The following PTPRD variants were observed in gnomAD, a reference collection of about 807,000 sequenced individuals.
The protein encoded by PTPRD is protein tyrosine phosphatase receptor type D.
PTPRD carries 34 observed loss-of-function variants against 214.5 expected under a neutral mutation model. The ratio of observed to expected loss-of-function variants is 0.16; its 90% CI spans 0.12 to 0.21. The LOEUF is 0.21. PTPRD is among the 10% of genes least tolerant of loss of function. PTPRD has a pLI of 1.00. For missense variants in PTPRD, 2,545 were observed against 2,398.7 expected, an observed-to-expected ratio of 1.06 and a Z score of -1.27; for synonymous variants, 1,128 against 845.7, an observed-to-expected ratio of 1.33 and a Z score of -5.79.
At chr9:8,556,087 C>A (rs1203627062) in intron 14 of PTPRD, among the ~76,000 whole-genome samples, 2 of 152,156 alleles carry the variant, frequency 1.3e-5, no homozygotes, top group African/African-American at 4.8e-5. Flanking sequence ...GCACAGAAGG[C>A]AAGAATTTCA....
At chr9:9,020,476 T>A (rs1258270634) in intron 10 of PTPRD, among the ~76,000 whole-genome samples, 2 of 152,042 alleles carry the variant, frequency 1.3e-5, no homozygotes, top group African/African-American at 4.8e-5. Flanking sequence ...AGTTAGAAGG[T>A]ACAAAGAAAA....
intron 9 of PTPRD, among the ~76,000 whole-genome samples, chr9:9,313,649 T>C (rs1281926726): frequency 2.0e-5 from 3 of 152,142 alleles, no homozygotes; most frequent in African/African-American, 7.2e-5. Flanking sequence ...GGTATAGTAA[T>C]TAGGAAGAGT....
rs1490650022 is a variant in PTPRD at position 9,743,610 on chromosome 9, C to T, written c.-325-9039G>A. On this transcript the variant is annotated intron_variant, in intron 6 of 45. Coordinates refer to ENST00000381196, the MANE Select transcript of PTPRD (RefSeq NM_002839.4). The stretch of plus-strand genomic sequence containing the variant: ...GACACTACCTGTTCACAATCCACAC[C>T]CTCTTCCTTTTCCAAAGGCATGACC... 2.0e-5 allele frequency among the ~76,000 whole-genome samples: 3 copies of T among 151,892 alleles called. No individual in the cohort carries two copies. In the East Asian group the frequency reaches 5.8e-4, roughly 29 times the overall value.
At chr9:8,766,813 G>C (rs2094788766) in intron 11 of PTPRD, among the ~76,000 whole-genome samples, 1 of 152,156 alleles carries the variant, frequency 6.6e-6, no homozygotes, top group South Asian at 2.1e-4. Context: ...AATATTAGAA[G>C]TGTTTATTTA....
At chr9:8,925,845 G>A (rs912085261) in intron 11 of PTPRD, among the ~76,000 whole-genome samples, 1 of 139,466 alleles carries the variant, frequency 7.2e-6, no homozygotes, top group African/African-American at 2.7e-5. Flanking sequence ...TTTGTCAGCT[G>A]GACTATTGCA....
At chr9:8,992,230 T>C (rs2099374695) in intron 11 of PTPRD, among the ~76,000 whole-genome samples, 1 of 152,138 alleles carries the variant, frequency 6.6e-6, no homozygotes, top group African/African-American at 2.4e-5. Flanking sequence ...CATATCAAAC[T>C]GTAAGAGTGA....
rs536548653 is a variant in PTPRD, at chr9:8,645,065, G to A, written c.65-8221C>T. ...ATAAAGATTGCACAGATAATATATC[G>A]CAATTTATTAAATATTTTGAAATAT... On this transcript the variant is annotated intron_variant, in intron 12 of 45. Transcript: ENST00000381196. Among the ~76,000 whole-genome samples the A allele has an allele frequency of 1.6e-4, 24 of 152,272 alleles. No individual in the cohort carries two copies. The South Asian group carries it at 3.9e-3, about 25-fold the overall frequency.
At chr9:8,337,656 G>C (rs1008119015) in intron 43 of PTPRD, among the ~76,000 whole-genome samples, 2 of 150,762 alleles carry the variant, frequency 1.3e-5, no homozygotes, top group African/African-American at 4.9e-5. Flanking sequence ...ATCACAGGGA[G>C]ACTTTAAAAA....
chr9:8,700,170 G>A (rs564100609), intron 12 of PTPRD, among the ~76,000 whole-genome samples: 122 of 152,226 alleles, frequency 8.0e-4, no homozygotes, highest in African/African-American at 2.7e-3. Context: ...ACATTCTGCT[G>A]CTGTAAATCT....
chr9:9,639,793 C>T (rs953304189), intron 7 of PTPRD, among the ~76,000 whole-genome samples: 3 of 152,150 alleles, frequency 2.0e-5, no homozygotes, highest in Admixed American at 6.6e-5. Flanking sequence ...GTTCCATATA[C>T]TAAATCTCTG....
chr9:10,044,861 A>G (rs1244512793), intron 3 of PTPRD, among the ~76,000 whole-genome samples: 2 of 151,758 alleles, frequency 1.3e-5, no homozygotes, highest in Non-Finnish European at 3.0e-5. Context: ...TGGGCTCAGT[A>G]TCCATTACAC....
At chr9:8,973,977 T>C (rs1042806920) in intron 11 of PTPRD, among the ~76,000 whole-genome samples, 5 of 152,130 alleles carry the variant, frequency 3.3e-5, no homozygotes, top group Admixed American at 6.6e-5. Context: ...GTCAGATTCA[T>C]TGAAAGTATG....
In PTPRD at chr9:10,261,519, C is replaced by A. The variant is rs1178403821; in HGVS notation, c.-545+79444G>T. On this transcript the variant is annotated intron_variant, in intron 3 of 45. Transcript: ENST00000381196. Reference sequence around the variant, plus strand: ...CTCAGTAAAATAATGAGAACAAAGTCAAAGAATGTTGTGTGTGTGTATATA... The same window carrying A: ...CTCAGTAAAATAATGAGAACAAAGTAAAAGAATGTTGTGTGTGTGTATATA... Among the ~76,000 whole-genome samples, 3 of 151,760 alleles carry A rather than the reference C, an allele frequency of 2.0e-5. No individual in the cohort carries two copies. The East Asian group carries it at 5.8e-4, about 29-fold the overall frequency.
rs545282636 is a variant in PTPRD, at chr9:8,421,856, T to C, written c.4086+14736A>G. Among the ~76,000 whole-genome samples, 412 of 151,078 alleles carry C rather than the reference T, an allele frequency of 2.7e-3. 1 individual carries two copies. The highest frequency in any genetic ancestry group is 4.5e-3 in the Non-Finnish European group (304 of 67,808). ...ATTCACTGAACTTTTTTTTTTTAAA[T>C]GGTGAATTTGCCCGGGCGTGATGGC... On this transcript the variant is annotated intron_variant, in intron 35 of 45. Transcript: ENST00000381196.
chr9:9,693,713 T>G (rs2097317189), intron 7 of PTPRD, among the ~76,000 whole-genome samples: 1 of 152,184 alleles, frequency 6.6e-6, no homozygotes, highest in South Asian at 2.1e-4. Context: ...CCTCTTTAAT[T>G]AAGGCCACTC....
chr9:9,132,536 A>C (rs1258982069), intron 10 of PTPRD, among the ~76,000 whole-genome samples: 1 of 152,196 alleles, frequency 6.6e-6, no homozygotes, highest in Non-Finnish European at 1.5e-5. Context: ...ATGGAGCTGG[A>C]AAAAAGTATC....
chr9:8,749,839 C>T (rs1018027779), intron 11 of PTPRD, among the ~76,000 whole-genome samples: 27 of 152,068 alleles, frequency 1.8e-4, no homozygotes, highest in African/African-American at 5.3e-4. Flanking sequence ...CGGTGGCTTA[C>T]GCCTGTAATC....
At chr9:9,372,487 T>C (rs2139859197) in intron 9 of PTPRD, among the ~76,000 whole-genome samples, 1 of 152,250 alleles carries the variant, frequency 6.6e-6, no homozygotes, top group South Asian at 2.1e-4. Context: ...TCCATCCCTT[T>C]ATTTTGAGCC....
intron 11 of PTPRD, among the ~76,000 whole-genome samples, chr9:8,851,338 G>A (rs557458481): frequency 8.5e-5 from 13 of 152,172 alleles, no homozygotes; most frequent in Non-Finnish European, 1.9e-4. Context: ...AGAGAGAAAC[G>A]CTCTCTTTGT....
Sources: gnomAD v4.1 joint callset for allele counts (sites outside exome capture counted in the v4.1 genomes callset) on GRCh38, gnomAD v4.1.1 for gene constraint, MANE v1.5 for transcripts, NCBI Gene and HGNC (gene_info 2026-07-23, HGNC 2026-07-21) for gene names.